ZFHX3: variants seen among roughly 807,000 people sequenced by gnomAD.
The protein encoded by ZFHX3 is zinc finger homeobox 3.
A neutral mutation model predicts 279.1 loss-of-function variants in ZFHX3; 42 were observed. The observed-to-expected ratio is 0.15, with a 90% confidence interval of 0.12 to 0.19. The LOEUF (loss-of-function observed/expected upper bound fraction) is 0.19, where lower values mean the gene tolerates loss of function less well. ZFHX3 is among the 10% of genes least tolerant of loss of function. ZFHX3 has a pLI of 1.00. For synonymous variants in ZFHX3, 2,293 were observed against 1,957.8 expected, an observed-to-expected ratio of 1.17 and a Z score of -4.52; for missense variants, 4,981 against 4,754.0, an observed-to-expected ratio of 1.05 and a Z score of -1.40.
chr16:73,744,206 A>C (rs2142263030), intron 1 of ZFHX3, among the ~76,000 whole-genome samples: 1 of 152,338 alleles, frequency 6.6e-6, no homozygotes, highest in African/African-American at 2.4e-5. Context: ...GACGTACAAA[A>C]GTAGTTATTA....
intron 3 of ZFHX3, among the ~76,000 whole-genome samples, chr16:72,904,986 C>T (rs945635639): frequency 7.2e-5 from 11 of 152,204 alleles, no homozygotes; most frequent in African/African-American, 2.4e-4. Context: ...TGCCCGCCAC[C>T]ATGCCCAGCT....
intron 2 of ZFHX3, among the ~76,000 whole-genome samples, chr16:73,647,646 A>G (rs1176696685): frequency 6.6e-6 from 1 of 152,168 alleles, no homozygotes; most frequent in African/African-American, 2.4e-5. Context: ...CAGTGTGGAA[A>G]TAGACTATAC....
intron 3 of ZFHX3, among the ~76,000 whole-genome samples, chr16:72,893,915 T>C (rs1006260170): frequency 6.6e-6 from 1 of 152,248 alleles, no homozygotes; most frequent in Admixed American, 6.5e-5. Flanking sequence ...TTTGGGAGGC[T>C]GAGGTGGGCA....
intron 2 of ZFHX3, among the ~76,000 whole-genome samples, chr16:73,568,352 T>A (rs912240034): frequency 3.3e-5 from 5 of 152,136 alleles, no homozygotes; most frequent in African/African-American, 1.2e-4. Context: ...ATTTCCGTCA[T>A]CTTTCCATTT....
intron 2 of ZFHX3, among the ~76,000 whole-genome samples, chr16:73,635,354 AT>A (rs1410025967): frequency 6.6e-6 from 1 of 152,202 alleles, no homozygotes; most frequent in Non-Finnish European, 1.5e-5. Flanking sequence ...TTAGTGGGTT[AT>A]TAACTACTCA....
chr16:73,207,721 A>G (rs1367203840), intron 5 of ZFHX3, among the ~76,000 whole-genome samples: 2 of 152,210 alleles, frequency 1.3e-5, no homozygotes, highest in African/African-American at 2.4e-5. Context: ...CATTTTGTCC[A>G]TTAAGTTACT....
chr16:73,812,930 A>C (rs1458083191), intron 1 of ZFHX3, among the ~76,000 whole-genome samples: 1 of 152,138 alleles, frequency 6.6e-6, no homozygotes, highest in African/African-American at 2.4e-5. Context: ...ATACTTACCT[A>C]CTTCTCACTA....
At chr16:73,243,895 A>T (rs1174974836) in intron 5 of ZFHX3, among the ~76,000 whole-genome samples, 1 of 152,218 alleles carries the variant, frequency 6.6e-6, no homozygotes, top group African/African-American at 2.4e-5. Flanking sequence ...AAGCTGGAGA[A>T]GCTGTCACTG....
At chr16:73,378,313 A>G (rs11860677) in intron 3 of ZFHX3, among the ~76,000 whole-genome samples, 17,081 of 152,128 alleles carry the variant, frequency 0.11, 2,891 homozygotes, top group African/African-American at 0.37. Context: ...ATTTGCATTT[A>G]CTTGATAACA....
intron 1 of ZFHX3, among the ~76,000 whole-genome samples, chr16:72,989,661 A>G (rs2098239006): frequency 6.6e-6 from 1 of 152,172 alleles, no homozygotes; most frequent in African/African-American, 2.4e-5. Flanking sequence ...CAGAAGGAAG[A>G]AATAAGTGGG....
At chr16:73,453,079 C>T (rs929352365) in intron 3 of ZFHX3, among the ~76,000 whole-genome samples, 18 of 119,142 alleles carry the variant, frequency 1.5e-4, no homozygotes, top group Non-Finnish European at 2.7e-4. Flanking sequence ...GTCTTTCATG[C>T]TAAATTATAA....
At chr16:73,090,725 GAA>G (rs1405893437) in intron 8 of ZFHX3, among the ~76,000 whole-genome samples, 1 of 130,560 alleles carries the variant, frequency 7.7e-6, no homozygotes. Flanking sequence ...GGCCTCTACA[GAA>G]AAAAAAAAAA....
intron 5 of ZFHX3, among the ~76,000 whole-genome samples, chr16:73,205,033 G>A (rs187118081): frequency 6.6e-6 from 1 of 152,270 alleles, no homozygotes; most frequent in Admixed American, 6.5e-5. Context: ...GGGCTGCAGT[G>A]TTTATTGTGG....
At chr16:73,416,141 AAAAACGG>A (rs368857885) in intron 3 of ZFHX3, among the ~76,000 whole-genome samples, 23 of 149,058 alleles carry the variant, frequency 1.5e-4, no homozygotes, top group African/African-American at 3.8e-4. Flanking sequence ...AAAAAAAACA[AAAAACGG>A]AAAACAAACA....
chr16:73,251,957 C>A (rs2013520279), intron 5 of ZFHX3, among the ~76,000 whole-genome samples: 1 of 151,492 alleles, frequency 6.6e-6, no homozygotes, highest in South Asian at 2.1e-4. Flanking sequence ...CACACACGCA[C>A]ACACCATGCA....
intron 3 of ZFHX3, among the ~76,000 whole-genome samples, chr16:73,359,049 T>C (rs919992967): frequency 3.9e-5 from 6 of 152,192 alleles, no homozygotes; most frequent in Non-Finnish European, 7.3e-5. Flanking sequence ...TATAATATAA[T>C]TTTTGGAAAT....
intron 2 of ZFHX3, among the ~76,000 whole-genome samples, chr16:73,528,843 A>T (rs1200637400): frequency 1.3e-5 from 2 of 152,254 alleles, no homozygotes; most frequent in Non-Finnish European, 2.9e-5. Context: ...ACAGGACTGC[A>T]GCTTCATGAC....
chr16:73,747,958 A>T (rs930545107), intron 1 of ZFHX3, among the ~76,000 whole-genome samples: 1 of 152,222 alleles, frequency 6.6e-6, no homozygotes, highest in African/African-American at 2.4e-5. Context: ...CAATTTTGTT[A>T]TCATAAAGCT....
intron 5 of ZFHX3, among the ~76,000 whole-genome samples, chr16:73,179,839 C>A (rs1261698387): frequency 6.6e-6 from 1 of 152,126 alleles, no homozygotes; most frequent in Non-Finnish European, 1.5e-5. Context: ...CTGGTTAGAG[C>A]ATTTTGCCCT....
Sources: gnomAD v4.1 joint callset for allele counts (sites outside exome capture counted in the v4.1 genomes callset) on GRCh38, gnomAD v4.1.1 for gene constraint, MANE v1.5 for transcripts, NCBI Gene and HGNC (gene_info 2026-07-23, HGNC 2026-07-21) for gene names.